The following PRELID2 variants were observed in gnomAD, a reference collection of about 807,000 sequenced individuals.
PRELID2 encodes the protein PRELI domain-containing protein 2.
PRELID2 carries 25 observed loss-of-function variants against 28.4 expected under a neutral mutation model. The observed-to-expected ratio is 0.88, with a 90% confidence interval of 0.64 to 1.23. The LOEUF (loss-of-function observed/expected upper bound fraction) is 1.23. Among genes scored for constraint, PRELID2 ranks in the 50% most tolerant of loss-of-function variants. The pLI is 0.00. For synonymous variants in PRELID2, 76 were observed against 71.6 expected (o/e 1.06, Z -0.31); for missense variants, 201 against 214.4 (o/e 0.94, Z 0.39).
At chr5:145,480,171 G>A (rs1463408526) in intron 1 of PRELID2, among the ~76,000 whole-genome samples, 2 of 151,974 alleles carry the variant, frequency 1.3e-5, no homozygotes, top group Admixed American at 1.3e-4. Flanking sequence ...AATATTTAAT[G>A]AAAATGAAAA....
At chr5:145,249,603 G>T in the PRELID2 span, among the ~76,000 whole-genome samples, 1 of 152,002 alleles carries the variant, frequency 6.6e-6, no homozygotes, top group Non-Finnish European at 1.5e-5. Flanking sequence ...GTTGCCAGGA[G>T]AAATAAATTA....
the PRELID2 span, among the ~76,000 whole-genome samples, chr5:145,434,569 T>C: frequency 6.6e-6 from 1 of 152,266 alleles, no homozygotes; most frequent in African/African-American, 2.4e-5. Context: ...GTTCATTCTC[T>C]TCACTAACCA....
chr5:145,723,275 C>T (rs1363579465), intron 1 of PRELID2, among the ~76,000 whole-genome samples: 2 of 152,000 alleles, frequency 1.3e-5, no homozygotes, highest in Admixed American at 6.6e-5. Flanking sequence ...ACAAACACAC[C>T]ATGATTCTGT....
intron 1 of PRELID2, among the ~76,000 whole-genome samples, chr5:145,566,582 G>A (rs1752969260): frequency 6.6e-6 from 1 of 152,234 alleles, no homozygotes; most frequent in Non-Finnish European, 1.5e-5. Flanking sequence ...GTTCATGCCT[G>A]TAATCCCAGC....
At chr5:145,271,162 G>T in the PRELID2 span, among the ~76,000 whole-genome samples, 1 of 152,104 alleles carries the variant, frequency 6.6e-6, no homozygotes, top group Non-Finnish European at 1.5e-5. Flanking sequence ...AGATTATGGG[G>T]ATTATCATTA....
the PRELID2 span, among the ~76,000 whole-genome samples, chr5:145,459,733 C>A: frequency 6.6e-6 from 1 of 151,786 alleles, no homozygotes; most frequent in East Asian, 1.9e-4. Context: ...AATGCCTCAA[C>A]TATATCTTCT....
chr5:145,514,369 C>T (rs1009879213), intron 1 of PRELID2, among the ~76,000 whole-genome samples: 1 of 147,208 alleles, frequency 6.8e-6, no homozygotes, highest in African/African-American at 2.5e-5. Context: ...ATTAAACAGA[C>T]TTTAAACCAG....
At chr5:145,706,774 A>G (rs537207606) in intron 1 of PRELID2, among the ~76,000 whole-genome samples, 1 of 152,356 alleles carries the variant, frequency 6.6e-6, no homozygotes, top group African/African-American at 2.4e-5. Flanking sequence ...TTAAGTCTTC[A>G]TGTTACCTAT....
chr5:145,746,436 G>A (rs551662587), intron 1 of PRELID2, among the ~76,000 whole-genome samples: 5 of 152,086 alleles, frequency 3.3e-5, no homozygotes, highest in Non-Finnish European at 7.4e-5. Context: ...GACAAAGAAG[G>A]GCATTACACA....
chr5:145,720,033 AT>A (rs1017760288), intron 1 of PRELID2, among the ~76,000 whole-genome samples: 22 of 151,966 alleles, frequency 1.4e-4, no homozygotes, highest in African/African-American at 5.3e-4. Context: ...ATAAGAGGAA[AT>A]GAAGAAAAGC....
intron 1 of PRELID2, among the ~76,000 whole-genome samples, chr5:145,498,543 G>C (rs1752327112): frequency 6.6e-6 from 1 of 151,668 alleles, no homozygotes. Context: ...TGTTGTTGTT[G>C]TTTTGAGACA....
At chr5:145,751,881 C>A (rs978872248), downstream of PRELID2, among the ~76,000 whole-genome samples, 7 of 152,100 alleles carry the variant, frequency 4.6e-5, no homozygotes, top group Non-Finnish European at 8.8e-5. Flanking sequence ...ACTCGGGAGG[C>A]TGAGGCAGGA....
At chr5:145,822,192 G>A (rs141962280) in intron 2 of PRELID2, among the ~76,000 whole-genome samples, 4 of 152,254 alleles carry the variant, frequency 2.6e-5, no homozygotes, top group Non-Finnish European at 4.4e-5. Context: ...CATTGACTAT[G>A]TGCATTGTCA....
intron 1 of PRELID2, among the ~76,000 whole-genome samples, chr5:145,504,706 T>C (rs953643743): frequency 2.0e-5 from 3 of 152,196 alleles, no homozygotes; most frequent in Non-Finnish European, 4.4e-5. Flanking sequence ...TAATCACCTT[T>C]TCAAAATTCC....
At chr5:145,627,926 T>C (rs1047156291) in intron 1 of PRELID2, among the ~76,000 whole-genome samples, 3 of 152,256 alleles carry the variant, frequency 2.0e-5, no homozygotes, top group Admixed American at 6.5e-5. Flanking sequence ...AAATATGTCC[T>C]GGATGTACAA....
chr5:145,267,114 A>C, the PRELID2 span, among the ~76,000 whole-genome samples: 1 of 152,146 alleles, frequency 6.6e-6, no homozygotes, highest in African/African-American at 2.4e-5. Flanking sequence ...AGCCAATTCA[A>C]GTCCCAAAAC....
At chr5:145,446,946 G>A in the PRELID2 span, among the ~76,000 whole-genome samples, 2 of 151,928 alleles carry the variant, frequency 1.3e-5, no homozygotes, top group South Asian at 4.1e-4. Flanking sequence ...CTACTTGGGA[G>A]GCTGAGAAAA....
rs147135519 is a variant in PRELID2, at chr5:145,536,766, G to A, written n.71-63451C>T. On this transcript the variant is annotated intron_variant and non_coding_transcript_variant, in intron 1 of 2. Coordinates refer to the PRELID2 transcript ENST00000510259. ...AATAAGGACATAGTATTTTTTCAAG[G>A]CCTAATAAAGTGACTCAAAGAGTGA... 7.3e-3 allele frequency among the ~76,000 whole-genome samples: 1,110 copies of A among 151,792 alleles called. 12 individuals carry two copies. The highest frequency in any genetic ancestry group is 0.024 in the African/African-American group (1,008 of 41,454).
At chr5:145,274,576 T>C in the PRELID2 span, among the ~76,000 whole-genome samples, 34 of 152,298 alleles carry the variant, frequency 2.2e-4, no homozygotes, top group Admixed American at 2.0e-3. Context: ...CAGGGAGGCT[T>C]ACATAATTGT....
Sources: allele counts gnomAD v4.1 joint callset (sites outside exome capture counted in the v4.1 genomes callset), GRCh38; gene constraint gnomAD v4.1.1; transcripts MANE v1.5; gene names NCBI Gene and HGNC (gene_info 2026-07-23, HGNC 2026-07-21).